KCNB2: variants seen among roughly 807,000 people sequenced by gnomAD.
KCNB2 encodes delayed rectifier potassium channel protein.
Under a neutral mutation model 61.5 loss-of-function variants are expected in KCNB2, and 15 were observed. The observed-to-expected ratio is 0.24, with a 90% CI of 0.16 to 0.38. KCNB2 has a LOEUF of 0.38. KCNB2 is among the 10% of genes least tolerant of loss of function. KCNB2 has a pLI of 1.00. For synonymous variants in KCNB2, 457 were observed against 446.0 expected (o/e 1.02, Z -0.31); for missense variants, 828 against 1,125.2 (o/e 0.74, Z 3.78).
chr8:72,615,111 A>G (rs141413815), intron 2 of KCNB2, among the ~76,000 whole-genome samples: 1 of 152,356 alleles, frequency 6.6e-6, no homozygotes, highest in Non-Finnish European at 1.5e-5. Context: ...AGGTCTGTCC[A>G]GAAAGCAGGA....
chr8:72,659,270 T>C (rs1043214098), intron 2 of KCNB2, among the ~76,000 whole-genome samples: 20 of 152,232 alleles, frequency 1.3e-4, no homozygotes, highest in African/African-American at 4.8e-4. Context: ...TGACTGCAAA[T>C]GTGGTGGACA....
At chr8:72,866,218 G>A (rs370344835) in intron 2 of KCNB2, among the ~76,000 whole-genome samples, 5 of 152,142 alleles carry the variant, frequency 3.3e-5, no homozygotes, top group Non-Finnish European at 5.9e-5. Context: ...GAACACACTC[G>A]CATTGCTCTT....
At chr8:72,740,978 G>A (rs1380075441) in intron 2 of KCNB2, among the ~76,000 whole-genome samples, 1 of 152,136 alleles carries the variant, frequency 6.6e-6, no homozygotes, top group Non-Finnish European at 1.5e-5. Context: ...CTATTCTCAA[G>A]ACATGTTTAC....
intron 2 of KCNB2, among the ~76,000 whole-genome samples, chr8:72,758,328 A>C (rs1808324524): frequency 6.6e-6 from 1 of 152,186 alleles, no homozygotes. Flanking sequence ...TTGGCAGCCT[A>C]GGTGTAGCAG....
At chr8:72,763,044 TAAAA>T (rs36134958) in intron 2 of KCNB2, among the ~76,000 whole-genome samples, 48,986 of 137,488 alleles carry the variant, frequency 0.36, 8,523 homozygotes, top group African/African-American at 0.43. Context: ...CTTTGCAAAG[TAAAA>T]AAAAAAAAAA....
intron 2 of KCNB2, among the ~76,000 whole-genome samples, chr8:72,637,280 A>T (rs957494724): frequency 6.6e-6 from 1 of 152,048 alleles, no homozygotes; most frequent in East Asian, 1.9e-4. Flanking sequence ...CTCTTAAAAA[A>T]CCTGTATTTT....
At chr8:72,843,812 T>G (rs936585547) in intron 2 of KCNB2, among the ~76,000 whole-genome samples, 7 of 152,218 alleles carry the variant, frequency 4.6e-5, no homozygotes, top group Non-Finnish European at 1.0e-4. Context: ...CATCCCTTTA[T>G]TTTGAGCCTA....
intron 2 of KCNB2, among the ~76,000 whole-genome samples, chr8:72,576,341 A>G (rs1806793900): frequency 6.6e-6 from 1 of 152,178 alleles, no homozygotes; most frequent in African/African-American, 2.4e-5. Flanking sequence ...TGGTCACCCA[A>G]TGCTGTCCAC....
intron 2 of KCNB2, among the ~76,000 whole-genome samples, chr8:72,601,006 A>T (rs1464522015): frequency 6.6e-6 from 1 of 152,130 alleles, no homozygotes. Context: ...GTCAAAAAAA[A>T]AAAAAGAAAT....
At chr8:72,540,906 A>AAT (rs200619544) in intron 1 of KCNB2, among the ~76,000 whole-genome samples, 7 of 151,506 alleles carry the variant, frequency 4.6e-5, no homozygotes, top group African/African-American at 9.7e-5. Flanking sequence ...TTACTTACTA[A>AAT]ATATATATAT....
intron 2 of KCNB2, among the ~76,000 whole-genome samples, chr8:72,766,391 T>C (rs1246942379): frequency 6.6e-6 from 1 of 152,214 alleles, no homozygotes; most frequent in Non-Finnish European, 1.5e-5. Context: ...AGAGAATTTG[T>C]GGTCCACCAG....
intron 2 of KCNB2, among the ~76,000 whole-genome samples, chr8:72,830,227 CAAAAAAAAAAA>C (rs543474001): frequency 2.4e-5 from 2 of 83,422 alleles, no homozygotes; most frequent in Non-Finnish European, 4.6e-5. Context: ...TCATATTTTC[CAAAAAAAAAAA>C]AAAAAAAAAA....
At chr8:72,602,042 G>A (rs1293758850) in intron 2 of KCNB2, among the ~76,000 whole-genome samples, 1 of 152,168 alleles carries the variant, frequency 6.6e-6, no homozygotes, top group Non-Finnish European at 1.5e-5. Flanking sequence ...TTCACTGTGT[G>A]CCTGGGTTGC....
At chr8:72,672,676 A>G (rs1189594707) in intron 2 of KCNB2, among the ~76,000 whole-genome samples, 1 of 152,040 alleles carries the variant, frequency 6.6e-6, no homozygotes, top group African/African-American at 2.4e-5. Flanking sequence ...AAGGTGTCCA[A>G]AGTCTTCTGT....
chr8:72,694,584 G>A (rs79195539), intron 2 of KCNB2, among the ~76,000 whole-genome samples: 1 of 152,038 alleles, frequency 6.6e-6, no homozygotes, highest in Admixed American at 6.6e-5. Flanking sequence ...TTTTTAAAAA[G>A]TGTTCTCATA....
chr8:72,679,841 G>C (rs565727118), intron 2 of KCNB2, among the ~76,000 whole-genome samples: 5 of 152,212 alleles, frequency 3.3e-5, no homozygotes, highest in African/African-American at 1.2e-4. Flanking sequence ...AGCAACTATT[G>C]AACCAAACTA....
intron 2 of KCNB2, among the ~76,000 whole-genome samples, chr8:72,592,906 G>A (rs1283681020): frequency 6.6e-6 from 1 of 151,988 alleles, no homozygotes; most frequent in East Asian, 1.9e-4. Context: ...TTTTTGTTTT[G>A]TTTCCCTGAA....
At chr8:72,862,226 C>T (rs1002421039) in intron 2 of KCNB2, among the ~76,000 whole-genome samples, 6 of 152,078 alleles carry the variant, frequency 3.9e-5, no homozygotes, top group Admixed American at 6.6e-5. Flanking sequence ...CTCAAAGAAA[C>T]TTGTAAAAAA....
At chr8:72,660,247 G>T (rs1806357080) in intron 2 of KCNB2, among the ~76,000 whole-genome samples, 1 of 152,146 alleles carries the variant, frequency 6.6e-6, no homozygotes, top group Non-Finnish European at 1.5e-5. Flanking sequence ...CAAGTGGGAA[G>T]GTTGAAACTA....
Sources: allele counts gnomAD v4.1 joint callset (sites outside exome capture counted in the v4.1 genomes callset), GRCh38; gene constraint gnomAD v4.1.1; transcripts MANE v1.5; gene names NCBI Gene and HGNC (gene_info 2026-07-23, HGNC 2026-07-21).